The following ZC3H7A variants were observed in gnomAD, a reference collection of about 807,000 sequenced individuals.
ZC3H7A encodes the protein zinc finger CCCH-type containing 7A.
ZC3H7A carries 44 observed loss-of-function variants against 125.5 expected under a neutral mutation model. The observed-to-expected ratio is 0.35, with a 90% CI of 0.28 to 0.45. The LOEUF is 0.45. Ranked by LOEUF, ZC3H7A falls within the 20% of genes least tolerant of loss-of-function variation. The pLI, the probability that ZC3H7A is intolerant of heterozygous loss-of-function variation, is 1.00. For synonymous variants in ZC3H7A, 399 were observed against 391.2 expected, an observed-to-expected ratio of 1.02 and a Z score of -0.23; for missense variants, 977 against 1,170.7, an observed-to-expected ratio of 0.83 and a Z score of 2.41.
Position 11,774,274 on chromosome 16 carries a change from G to A in ZC3H7A, c.865C>T (p.Leu289=), listed in dbSNP as rs777025918. 15 of 1,609,968 alleles carry A rather than the reference G, an allele frequency of 9.3e-6. No homozygotes were observed. The highest frequency in any genetic ancestry group is 2.2e-5 in the East Asian group (1 of 44,794). Residue 289 remains leucine, a synonymous_variant, in exon 9 of 23, where the codon CTG becomes TTG. Transcript: ENST00000355758. ...DMVLGDELDD[L]LDSAPETNET... is the part of the protein sequence containing the mutation. Reference sequence around the variant, plus strand: ...TTAGTTTCAGGTGCAGAATCAAGCAGGTCATCTAGTTCATCTCCAAGGACC... The same window carrying A: ...TTAGTTTCAGGTGCAGAATCAAGCAAGTCATCTAGTTCATCTCCAAGGACC...
chr16:11,761,896 C>A lies in ZC3H7A; in HGVS notation c.2213+14G>T, dbSNP rs765487092. On this transcript the variant is annotated intron_variant, in intron 18 of 22. Transcript: ENST00000355758. ...AATTACAAAATAGGAATTGTTTCCA[C>A]ACACAATACTTACGAATGCCTTGCT... The A allele has an allele frequency of 5.0e-6, 8 of 1,607,796 alleles. No homozygotes were observed. The highest frequency in any genetic ancestry group is 6.8e-6 in the Non-Finnish European group (8 of 1,178,674).
chr16:11,754,649 T>G (rs2052608631), intron 21 of ZC3H7A, among the ~76,000 whole-genome samples: 1 of 152,080 alleles, frequency 6.6e-6, no homozygotes, highest in Admixed American at 6.5e-5. Context: ...CCCAGCACTT[T>G]GGGAGGCTGA....
intron 19 of ZC3H7A, 57 bp downstream of exon 19, chr16:11,761,349 T>G: frequency 6.7e-7 from 1 of 1,488,478 alleles, no homozygotes; most frequent in Admixed American, 1.7e-5. Flanking sequence ...TACTACTATT[T>G]TCTAATGATT....
chr16:11,786,608 C>G (rs775000531), intron 1 of ZC3H7A, among the ~76,000 whole-genome samples: 1 of 152,160 alleles, frequency 6.6e-6, no homozygotes, highest in Non-Finnish European at 1.5e-5. Flanking sequence ...AAAATGGATA[C>G]AGACGTTTTT....
rs770925057 is a variant in ZC3H7A at position 11,769,021 on chromosome 16, T to C, written c.1173+10A>G. ...AGCGATGTATTTACAAAAGAGGAAGTGGCACTTACAAGTAAAAGGGAAGAA... is the reference window on the plus strand; with the variant it reads ...AGCGATGTATTTACAAAAGAGGAAGCGGCACTTACAAGTAAAAGGGAAGAA... On this transcript the variant is annotated intron_variant, in intron 11 of 22. Transcript: ENST00000355758. 1.9e-6 allele frequency: 3 copies of C among 1,601,996 alleles called. No individual in the cohort carries two copies. The highest frequency in any genetic ancestry group is 2.3e-5 in the South Asian group (2 of 88,658).
At chr16:11,787,761 C>T (rs1483026780) in intron 1 of ZC3H7A, among the ~76,000 whole-genome samples, 1 of 152,120 alleles carries the variant, frequency 6.6e-6, no homozygotes, top group Non-Finnish European at 1.5e-5. Context: ...GCCTGGCCAA[C>T]GTGGTGAAAC....
intron 12 of ZC3H7A, among the ~76,000 whole-genome samples, 156 bp downstream of exon 12, chr16:11,768,159 T>C (rs2052894387): frequency 6.6e-6 from 1 of 152,202 alleles, no homozygotes; most frequent in African/African-American, 2.4e-5. Flanking sequence ...CCAAAGGCAC[T>C]AAATCAGTAA....
At chr16:11,797,065 G>GGT (rs2053452677) in intron 1 of ZC3H7A, 59 bp downstream of exon 1, 2 of 144,060 alleles carry the variant, frequency 1.4e-5, no homozygotes. Flanking sequence ...CGCGCGGGGG[G>GGT]GGCGGGGGCG....
intron 1 of ZC3H7A, among the ~76,000 whole-genome samples, chr16:11,784,124 T>C (rs2053216541): frequency 6.6e-6 from 1 of 152,086 alleles, no homozygotes; most frequent in African/African-American, 2.4e-5. Flanking sequence ...AAGAAGTCCA[T>C]GACACTAGAG....
rs1241463138 is a variant in ZC3H7A at position 11,788,609 on chromosome 16, TTTC to T, written c.-34-6224_-34-6222del. ...CAGACAAATATATTGCTTTCTTTTT[TTTC>T]TTTCTTTTTTTTTTTTTTTGAGACG... On this transcript the variant is annotated intron_variant, in intron 1 of 22. Transcript: ENST00000355758. 7.2e-3 allele frequency among the ~76,000 whole-genome samples: 1,093 copies of T among 151,720 alleles called. 14 individuals are homozygous for T. The highest frequency in any genetic ancestry group is 0.025 in the African/African-American group (1,036 of 41,388).
chr16:11,779,411 T>C (rs776002025), intron 3 of ZC3H7A, 48 bp from the exon 4 acceptor site: 2 of 1,537,026 alleles, frequency 1.3e-6, no homozygotes, highest in Admixed American at 2.0e-5. Context: ...AAACAAGATA[T>C]GGTATAAGTA....
rs775693332 is a variant in ZC3H7A, at chr16:11,762,028, T to C, written c.2095A>G (p.Ile699Val). The change falls in exon 18 of 23, where the codon ATA becomes GTA. Residue 699 changes from isoleucine to valine, a missense_variant. Physicochemically the swap from Ile to Val is conservative, Grantham distance 29. Around this residue, in one of 3 missense-constraint regions of ZC3H7A, gnomAD observed 436 missense variants for 603.2 expected, o/e 0.72. Transcript: ENST00000355758. ...VPGAQVLGNQ[I>V]MPGFLNMKIK... is the part of the protein sequence containing the mutation. ...TTCATATTAAGAAATCCAGGCATTATTTGATTACCAAGTACCTTAAACAAT... is the reference window on the plus strand; with the variant it reads ...TTCATATTAAGAAATCCAGGCATTACTTGATTACCAAGTACCTTAAACAAT... 1.9e-6 allele frequency: 3 copies of C among 1,610,046 alleles called. No individual in the cohort carries two copies. The highest frequency in any genetic ancestry group is 2.5e-6 in the Non-Finnish European group (3 of 1,178,672).
chr16:11,760,891 T>C (rs2052742144), intron 19 of ZC3H7A, among the ~76,000 whole-genome samples: 1 of 152,252 alleles, frequency 6.6e-6, no homozygotes, highest in African/African-American at 2.4e-5. Flanking sequence ...TAGTATTTTC[T>C]AGTTTTTGAA....
chr16:11,751,256 G>C lies in ZC3H7A; in HGVS notation c.*61C>G, dbSNP rs1001856998. The C allele has an allele frequency of 2.6e-6, 4 of 1,511,086 alleles. No homozygotes were observed. The highest frequency in any genetic ancestry group is 2.1e-5 in the Admixed American group (1 of 47,804). 93.6% of individuals were successfully genotyped at this position (1,511,086 alleles called of 1,614,324 possible). ...TGCAGCTCCTCTGCTATGTGCCTCA[G>C]AACACTTTCAATTTTTCTGGTCAAT... is the stretch of plus-strand genomic sequence containing the variant. On this transcript the variant is annotated 3_prime_UTR_variant, in exon 23 of 23. Transcript: ENST00000355758.
intron 8 of ZC3H7A, 25 bp from the exon 9 acceptor site, chr16:11,774,544 C>CA: frequency 6.7e-7 from 1 of 1,491,930 alleles, no homozygotes; most frequent in Non-Finnish European, 8.9e-7. Flanking sequence ...GAAATGTACT[C>CA]AGTCACTTTC....
At chr16:11,772,272 G>A (rs746516286) in intron 9 of ZC3H7A, among the ~76,000 whole-genome samples, 1 of 151,480 alleles carries the variant, frequency 6.6e-6, no homozygotes, top group East Asian at 1.9e-4. Context: ...AGGTGATCCA[G>A]AGACGGGAGC....
At position 11,765,054 on chromosome 16, in the gene ZC3H7A, T is replaced by C. The variant is rs2052831416; in HGVS notation, c.1819A>G (p.Lys607Glu). Residue 607 changes from lysine to glutamate, a missense_variant and splice_region_variant, in exon 15 of 23, where the codon AAG (lysine) becomes GAG (glutamate). By Grantham distance (56) the Lys-to-Glu change is moderately conservative (BLOSUM62 1). Transcript: ENST00000355758. This position sits in a 1 kb window ranked among gnomAD's most constrained non-coding sequence, Gnocchi z 4.8. ...AGAAATTAGAAACTATCAACATACT[T>C]ATTGTCTTCAAACTCATGCTTTGTA... ...PVTKHEFEDN[K>E]CLVHILRETT... is the part of the protein sequence containing the mutation. The C allele has an allele frequency of 4.5e-6, 7 of 1,548,952 alleles. No individual in the cohort carries two copies. The highest frequency in any genetic ancestry group is 5.2e-6 in the Non-Finnish European group (6 of 1,143,958).
intron 9 of ZC3H7A, among the ~76,000 whole-genome samples, chr16:11,772,610 A>G (rs1298875174): frequency 6.6e-6 from 1 of 151,686 alleles, no homozygotes; most frequent in Non-Finnish European, 1.5e-5. Flanking sequence ...CCACCCCTGG[A>G]AAACAGCTCG....
intron 19 of ZC3H7A, among the ~76,000 whole-genome samples, chr16:11,760,761 C>A (rs1240217476): frequency 6.6e-6 from 1 of 152,164 alleles, no homozygotes; most frequent in East Asian, 1.9e-4. Flanking sequence ...GAGGAAAGTC[C>A]AGGACAACTC....
Sources: allele counts gnomAD v4.1 joint callset (sites outside exome capture counted in the v4.1 genomes callset), GRCh38; gene constraint gnomAD v4.1.1; regional missense constraint gnomAD v4.1.1; non-coding constraint Gnocchi (gnomAD v3.1); transcripts MANE v1.5; gene names NCBI Gene and HGNC (gene_info 2026-07-23, HGNC 2026-07-21).